ZFHX3: variants seen among roughly 807,000 people sequenced by gnomAD.
The protein encoded by ZFHX3 is zinc finger homeobox protein 3.
In ZFHX3, 42 loss-of-function variants were observed where a neutral mutation model predicts 279.1. The ratio of observed to expected loss-of-function variants is 0.15; its 90% CI spans 0.12 to 0.19. The LOEUF is 0.19. ZFHX3 is among the 10% of genes least tolerant of loss of function. The pLI is 1.00. For missense variants in ZFHX3, 4,981 were observed against 4,754.0 expected (o/e 1.05, Z -1.40); for synonymous variants, 2,293 against 1,957.8 (o/e 1.17, Z -4.52).
intron 2 of ZFHX3, among the ~76,000 whole-genome samples, chr16:73,645,828 T>A (rs2052613562): frequency 6.6e-6 from 1 of 152,220 alleles, no homozygotes; most frequent in South Asian, 2.1e-4. Context: ...TCCAACATTT[T>A]GGTCCCATGA....
intron 3 of ZFHX3, among the ~76,000 whole-genome samples, chr16:73,391,314 C>T (rs1295839711): frequency 1.3e-5 from 2 of 152,044 alleles, no homozygotes; most frequent in Non-Finnish European, 2.9e-5. Context: ...AATTAGCCAG[C>T]CATGGTGATG....
chr16:73,534,281 T>C (rs938210820), intron 2 of ZFHX3, among the ~76,000 whole-genome samples: 1 of 152,200 alleles, frequency 6.6e-6, no homozygotes, highest in Non-Finnish European at 1.5e-5. Flanking sequence ...GCTCTTCTCC[T>C]TAAATATCCA....
At chr16:73,722,044 CAAACAAAGCA>C (rs1199190846) in intron 1 of ZFHX3, among the ~76,000 whole-genome samples, 4 of 152,166 alleles carry the variant, frequency 2.6e-5, no homozygotes, top group African/African-American at 9.7e-5. Flanking sequence ...GATCCTGTCT[CAAACAAAGCA>C]AAACAAAACA....
intron 5 of ZFHX3, among the ~76,000 whole-genome samples, chr16:73,187,144 T>TCACACAAACA (rs139171590): frequency 0.021 from 3,159 of 147,066 alleles, 123 homozygotes; most frequent in African/African-American, 0.077. Flanking sequence ...GTTGTATGTC[T>TCACACAAACA]CACACACACA....
chr16:73,278,379 T>G (rs1225866644), intron 4 of ZFHX3, among the ~76,000 whole-genome samples: 1 of 152,208 alleles, frequency 6.6e-6, no homozygotes, highest in Non-Finnish European at 1.5e-5. Flanking sequence ...TGTGGTTGCT[T>G]GCTTGCTTGT....
rs958381533 is a variant in ZFHX3 at position 73,811,123 on chromosome 16, G to A, written c.-1608+80528C>T. Among the ~76,000 whole-genome samples, 3 of 152,116 alleles carry A rather than the reference G, an allele frequency of 2.0e-5. No individual in the cohort carries two copies. In the East Asian group the frequency reaches 5.8e-4, roughly 29 times the overall value. On this transcript the variant is annotated intron_variant, in intron 1 of 17. Coordinates refer to the ZFHX3 transcript ENST00000641206. Reference sequence around the variant, plus strand: ...AAGCTCAGTGCATCGTCACATTATGGTGTGACAGTACCAGAACTCCTACCC... The same window carrying A: ...AAGCTCAGTGCATCGTCACATTATGATGTGACAGTACCAGAACTCCTACCC...
At chr16:72,941,797 G>A (rs905828194) in intron 3 of ZFHX3, among the ~76,000 whole-genome samples, 2 of 152,032 alleles carry the variant, frequency 1.3e-5, no homozygotes, top group Non-Finnish European at 2.9e-5. Context: ...TTCTACAGTC[G>A]CCAGTATTTC....
chr16:73,187,159 C>CACACACACACACAT (rs1555503413), intron 5 of ZFHX3, among the ~76,000 whole-genome samples: 2 of 151,994 alleles, frequency 1.3e-5, no homozygotes, highest in African/African-American at 4.8e-5. Flanking sequence ...CACACACACA[C>CACACACACACACAT]ACACACACAC....
At chr16:73,810,002 C>G (rs1034297025) in intron 1 of ZFHX3, among the ~76,000 whole-genome samples, 1 of 152,104 alleles carries the variant, frequency 6.6e-6, no homozygotes, top group Non-Finnish European at 1.5e-5. Context: ...AACTCCTCAG[C>G]CTTTGCACCA....
rs576336234 is a variant in ZFHX3 at position 73,530,795 on chromosome 16, A to G, written c.-1546-74537T>C. ...TTATCTATATTATCTTTATATTACA[A>G]TCTTTATGAGGTCATGCCTGCATTT... is the stretch of plus-strand genomic sequence containing the variant. On this transcript the variant is annotated intron_variant, in intron 2 of 17. Transcript: ENST00000641206. Among the ~76,000 whole-genome samples, 13 of 152,210 alleles carry G rather than the reference A, an allele frequency of 8.5e-5. 1 individual carries two copies. In the South Asian group the frequency reaches 1.2e-3, roughly 15 times the overall value.
chr16:73,107,178 T>C (rs948249670), intron 7 of ZFHX3, among the ~76,000 whole-genome samples: 2 of 151,958 alleles, frequency 1.3e-5, no homozygotes, highest in Admixed American at 6.6e-5. Context: ...AGTGTGGTGG[T>C]GTGCACCTGT....
At chr16:72,800,215 T>C in intron 7 of ZFHX3, 86 bp from the exon 8 acceptor site, 1 of 1,149,458 alleles carries the variant, frequency 8.7e-7, no homozygotes, top group South Asian at 1.3e-5. Context: ...TAAGCAAAAT[T>C]AGCCTTCACC....
rs1046779242 is a variant in ZFHX3 at position 73,348,889 on chromosome 16, C to T, written c.-1290-30553G>A. ...TGTGCCTATGTAGGGAATCAGATAC[C>T]GTCTTGTGGCATTTCAGTACCTTGG... On this transcript the variant is annotated intron_variant, in intron 3 of 17. Transcript: ENST00000641206. Among the ~76,000 whole-genome samples the T allele has an allele frequency of 3.9e-5, 6 of 152,154 alleles. No homozygotes were observed. The East Asian group carries it at 5.8e-4, about 15-fold the overall frequency.
intron 1 of ZFHX3, among the ~76,000 whole-genome samples, chr16:73,014,688 G>A (rs911653498): frequency 1.3e-5 from 2 of 151,368 alleles, no homozygotes; most frequent in Non-Finnish European, 2.9e-5. Context: ...CACCATGCCC[G>A]GCTAATTTTT....
chr16:73,818,715 A>G (rs1386044595), intron 1 of ZFHX3, among the ~76,000 whole-genome samples: 1 of 152,220 alleles, frequency 6.6e-6, no homozygotes, highest in African/African-American at 2.4e-5. Flanking sequence ...ATTGTGCTGG[A>G]AAGTGTCCCT....
intron 1 of ZFHX3, among the ~76,000 whole-genome samples, chr16:73,744,910 A>T (rs774396171): frequency 2.6e-5 from 4 of 152,188 alleles, no homozygotes; most frequent in African/African-American, 9.6e-5. Context: ...AAATCTTGCA[A>T]TTAGCCCACA....
At chr16:73,608,454 C>A (rs932410231) in intron 2 of ZFHX3, among the ~76,000 whole-genome samples, 15 of 152,192 alleles carry the variant, frequency 9.9e-5, no homozygotes, top group Non-Finnish European at 1.9e-4. Flanking sequence ...ATTACAAATA[C>A]AGACCAGGTA....
chr16:73,555,844 A>C (rs921519395), intron 2 of ZFHX3, among the ~76,000 whole-genome samples: 2 of 152,010 alleles, frequency 1.3e-5, no homozygotes, highest in African/African-American at 4.8e-5. Context: ...AAAAAAAAAA[A>C]AGAAAAGAAA....
intron 2 of ZFHX3, among the ~76,000 whole-genome samples, chr16:73,523,030 G>A (rs183172906): frequency 6.6e-4 from 100 of 152,154 alleles, no homozygotes; most frequent in Non-Finnish European, 1.2e-3. Flanking sequence ...CCCACAACAC[G>A]GTGGCAATTA....
Sources: gnomAD v4.1 joint callset for allele counts (sites outside exome capture counted in the v4.1 genomes callset) on GRCh38, gnomAD v4.1.1 for gene constraint, MANE v1.5 for transcripts, NCBI Gene and HGNC (gene_info 2026-07-23, HGNC 2026-07-21) for gene names.